The following PRPF6 variants were observed in gnomAD, a reference collection of about 807,000 sequenced individuals.
The protein encoded by PRPF6 is pre-mRNA-processing factor 6.
PRPF6 carries 42 observed loss-of-function variants against 118.3 expected under a neutral mutation model. The ratio of observed to expected loss-of-function variants is 0.35; its 90% CI spans 0.28 to 0.46. The LOEUF (loss-of-function observed/expected upper bound fraction) is 0.46, where lower values mean the gene tolerates loss of function less well. Among genes scored for constraint, PRPF6 ranks in the 20% least tolerant of loss-of-function variants. The pLI, the probability that PRPF6 is intolerant of heterozygous loss-of-function variation, is 1.00. For missense variants in PRPF6, 662 were observed against 1,255.7 expected (o/e 0.53, Z 7.15); for synonymous variants, 481 against 485.1 (o/e 0.99, Z 0.11).
chr20:64,016,641 G>T lies in PRPF6; in HGVS notation c.1525-82G>T. 3.2e-6 allele frequency: 5 copies of T among 1,565,746 alleles called. No homozygotes were observed. The South Asian group carries it at 5.8e-5, about 18-fold the overall frequency. On this transcript the variant is annotated intron_variant, in intron 11 of 20. Coordinates refer to ENST00000266079, the MANE Select transcript of PRPF6 (RefSeq NM_012469.4). ...GTGCTGATGTCTGTCAGTTTTAACC[G>T]TTCAGGAACTCCGTACTCCCCGTTG...
chr20:64,001,289 C>T (rs56967431), intron 9 of PRPF6, 50 bp downstream of exon 9: 1 of 1,598,432 alleles, frequency 6.3e-7, no homozygotes, highest in Non-Finnish European at 8.6e-7. Flanking sequence ...GGCCCCTCCT[C>T]TCAGCAGCTT....
At position 64,028,581 on chromosome 20, in the gene PRPF6, C is replaced by G. The variant is rs746119086; in HGVS notation, c.2431+12C>G. 1.2e-6 allele frequency: 2 copies of G among 1,608,222 alleles called. No homozygotes were observed. The highest frequency in any genetic ancestry group is 2.2e-5 in the East Asian group (1 of 44,792). ...GTGCCCCAACTCCGGTAAGGGGGTG[C>G]CCCGACTCCGGTAAGGGGGTGCCCT... is the stretch of plus-strand genomic sequence containing the variant. On this transcript the variant is annotated intron_variant, in intron 18 of 20. Transcript: ENST00000266079. This position sits in a 1 kb window ranked among gnomAD's most constrained non-coding sequence, Gnocchi z 6.5.
chr20:64,028,674 C>A lies in PRPF6; in HGVS notation c.2431+105C>A. 8.0e-7 allele frequency: 1 copy of A among 1,245,794 alleles called. No homozygotes were observed. The highest frequency in any genetic ancestry group is 1.2e-5 in the South Asian group (1 of 80,426). The allele number at this position is 1,245,794 out of a possible 1,614,324, so 77.2% of individuals were successfully genotyped here. On this transcript the variant is annotated intron_variant, in intron 18 of 20. Coordinates refer to ENST00000266079, the MANE Select transcript of PRPF6 (RefSeq NM_012469.4). The surrounding 1 kb of genome is among the most constrained non-coding windows in gnomAD (Gnocchi z 6.5). ...TCCTGGCTTCCCAGACTCCGCAGGG[C>A]TGGCACTTCCTGAGGGAGTGGGGGC... is the stretch of plus-strand genomic sequence containing the variant.
intron 4 of PRPF6, among the ~76,000 whole-genome samples, chr20:63,994,551 G>A (rs1265990678): frequency 6.6e-6 from 1 of 152,202 alleles, no homozygotes; most frequent in African/African-American, 2.4e-5. Context: ...AGGCTGAGGT[G>A]GGAGGATCAC....
chr20:63,995,615 C>CTT (rs113295997), intron 6 of PRPF6, 133 bp downstream of exon 6: 455 of 884,310 alleles, frequency 5.1e-4, no homozygotes, highest in Middle Eastern at 7.3e-4. Flanking sequence ...TCTCCTTCTC[C>CTT]TTTTTTTTTT....
chr20:64,004,264 C>G (rs1377247554), intron 9 of PRPF6, among the ~76,000 whole-genome samples: 2 of 152,216 alleles, frequency 1.3e-5, no homozygotes, highest in Non-Finnish European at 2.9e-5. Context: ...TGGCTGTGCT[C>G]TCTCAGGCAG....
chr20:64,026,242 C>G lies in PRPF6; in HGVS notation c.2028+184C>G, dbSNP rs528062533. 3.3e-5 allele frequency among the ~76,000 whole-genome samples: 5 copies of G among 152,282 alleles called. No individual in the cohort carries two copies. The East Asian group carries it at 9.7e-4, about 29-fold the overall frequency. ...GGCGTGGTGGCCGGGCGCGGTGGCT[C>G]ACGCCTGTAATCTCAGCACTTTGGG... On this transcript the variant is annotated intron_variant, in intron 15 of 20. Transcript: ENST00000266079. The surrounding 1 kb of genome is among the most constrained non-coding windows in gnomAD (Gnocchi z 4.4).
chr20:64,011,385 C>T lies in PRPF6; in HGVS notation c.1406C>T (p.Thr469Met), dbSNP rs757991297. 3.3e-5 allele frequency: 53 copies of T among 1,614,096 alleles called. No homozygotes were observed. Among genetic ancestry groups the T allele is most frequent in the South Asian group, 2.7e-4 (25 of 91,086 alleles). ...CCTACAGACCGACATATCTGGATCA[C>T]GGCTGCTAAGCTGGAGGAAGCCAAT... ...NIPTDRHIWI[T>M]AAKLEEANGN... is the part of the protein sequence containing the mutation. Residue 469 changes from threonine (T) to methionine (M), a missense_variant, in exon 11 of 21, where the codon ACG becomes ATG. This residue lies in a region of PRPF6 where 189 missense variants were observed against 323.5 expected (regional missense o/e 0.58). Coordinates refer to ENST00000266079, the MANE Select transcript of PRPF6 (RefSeq NM_012469.4). The surrounding 1 kb of genome is among the most constrained non-coding windows in gnomAD (Gnocchi z 6.7).
Position 64,028,421 on chromosome 20 carries a change from C to G in PRPF6, c.2340-57C>G. 1 of 1,581,134 alleles carries G rather than the reference C, an allele frequency of 6.3e-7. No individual in the cohort carries two copies. Among genetic ancestry groups the G allele is most frequent in the Non-Finnish European group, 8.7e-7 (1 of 1,150,974 alleles). On this transcript the variant is annotated intron_variant, in intron 17 of 20. Transcript: ENST00000266079. This position sits in a 1 kb window ranked among gnomAD's most constrained non-coding sequence, Gnocchi z 6.5. ...TTCAGACAAGGCTTCCCAGAAGCTA[C>G]CAGAATATGTGCTGTTGGTAGACGG...
intron 13 of PRPF6, among the ~76,000 whole-genome samples, chr20:64,023,269 C>T (rs2123088058): frequency 6.6e-6 from 1 of 152,336 alleles, no homozygotes; most frequent in East Asian, 1.9e-4. Context: ...TTAAGCTGTG[C>T]TGGCTTTGGG....
intron 2 of PRPF6, 120 bp downstream of exon 2, chr20:63,983,335 C>T: frequency 1.6e-6 from 2 of 1,274,080 alleles, no homozygotes; most frequent in East Asian, 2.3e-5. Context: ...TAAATTTTAG[C>T]TATTCATGGA....
chr20:63,999,684 C>T lies in PRPF6; in HGVS notation c.948C>T (p.Ala316=), dbSNP rs1161584389. 2 of 1,614,178 alleles carry T rather than the reference C, an allele frequency of 1.2e-6. No homozygotes were observed. The highest frequency in any genetic ancestry group is 3.3e-5 in the Admixed American group (2 of 60,010). Residue 316 remains alanine, a synonymous_variant, in exon 8 of 21, where the codon GCC becomes GCT. Coordinates refer to ENST00000266079, the MANE Select transcript of PRPF6 (RefSeq NM_012469.4). ...ACCCGCCAGCCTGGATTGCATCAGC[C>T]CGCCTGGAAGAAGTCACTGGGAAGC... ...PHHPPAWIAS[A]RLEEVTGKLQ... is the part of the protein sequence containing the mutation.
intron 11 of PRPF6, among the ~76,000 whole-genome samples, chr20:64,015,741 C>G (rs924787332): frequency 6.6e-6 from 1 of 152,184 alleles, no homozygotes; most frequent in Non-Finnish European, 1.5e-5. Context: ...ATTTATGCCC[C>G]CTTCACCAAG....
chr20:63,986,615 A>G (rs2059094735), intron 3 of PRPF6, among the ~76,000 whole-genome samples: 2 of 149,996 alleles, frequency 1.3e-5, no homozygotes, highest in Non-Finnish European at 3.0e-5. Flanking sequence ...CAGCCTCCTG[A>G]GTAGCTGGGA....
At chr20:64,020,914 G>T (rs991667029) in intron 12 of PRPF6, among the ~76,000 whole-genome samples, 5 of 151,722 alleles carry the variant, frequency 3.3e-5, no homozygotes, top group African/African-American at 1.2e-4. Flanking sequence ...AGCCTCCCAA[G>T]TAGCTGGGAT....
intron 3 of PRPF6, among the ~76,000 whole-genome samples, chr20:63,986,871 G>C (rs1252493472): frequency 6.6e-6 from 1 of 150,384 alleles, no homozygotes; most frequent in Non-Finnish European, 1.5e-5. Context: ...ACTGCATATA[G>C]AAGAAACATA....
At chr20:64,021,195 T>TGC (rs1219098896) in intron 12 of PRPF6, among the ~76,000 whole-genome samples, 5 of 152,280 alleles carry the variant, frequency 3.3e-5, no homozygotes, top group African/African-American at 1.2e-4. Flanking sequence ...TGTGTGTGTG[T>TGC]GCACTTGTAT....
chr20:63,995,422 G>A lies in PRPF6; in HGVS notation c.711G>A (p.Glu237=). ...GACTGATGACACCTGGCACAGGTGA[G>A]CTGGACATGAGGAAGATTGGCCAAG... ...TPGLMTPGTG[E]LDMRKIGQAR... The change falls in exon 6 of 21, where the codon GAG becomes GAA. Residue 237 remains glutamate (E), a synonymous_variant. Coordinates refer to ENST00000266079, the MANE Select transcript of PRPF6 (RefSeq NM_012469.4). The A allele has an allele frequency of 1.2e-6, 2 of 1,614,156 alleles. No homozygotes were observed. The highest frequency in any genetic ancestry group is 1.1e-5 in the South Asian group (1 of 91,076).
chr20:63,984,833 A>C, intron 2 of PRPF6, 74 bp from the exon 3 acceptor site: 21 of 1,037,512 alleles, frequency 2.0e-5, no homozygotes, highest in Non-Finnish European at 2.8e-5. Flanking sequence ...TTTCACAAGT[A>C]GAGATCTCCG....
Sources: gnomAD v4.1 joint callset for allele counts (sites outside exome capture counted in the v4.1 genomes callset) on GRCh38, gnomAD v4.1.1 for gene constraint, gnomAD v4.1.1 regional missense constraint, Gnocchi (gnomAD v3.1) non-coding constraint, MANE v1.5 for transcripts, NCBI Gene and HGNC (gene_info 2026-07-23, HGNC 2026-07-21) for gene names.